GPX6: variants seen among roughly 807,000 people sequenced by gnomAD.
GPX6 encodes glutathione peroxidase 6, also known as glutathione peroxidase 6 (olfactory).
Under a neutral mutation model 20.0 loss-of-function variants are expected in GPX6, and 21 were observed. The ratio of observed to expected loss-of-function variants is 1.05; its 90% confidence interval spans 0.74 to 1.51. The LOEUF is 1.51. Ranked by LOEUF, GPX6 falls within the 40% of genes most tolerant of loss-of-function variation. The pLI is 0.00. For missense variants in GPX6, 233 were observed against 254.7 expected, an observed-to-expected ratio of 0.91 and a Z score of 0.58; for synonymous variants, 75 against 98.0, an observed-to-expected ratio of 0.77 and a Z score of 1.38.
intron 2 of GPX6, among the ~76,000 whole-genome samples, chr6:28,510,180 C>G (rs570380504): frequency 2.0e-4 from 31 of 152,312 alleles, no homozygotes; most frequent in East Asian, 3.9e-4. Context: ...AGACAAAGCA[C>G]GAACATTGTC....
rs965343573 is a variant in GPX6, at chr6:28,512,133, C to T, written c.88-1229G>A. On this transcript the variant is annotated intron_variant, in intron 1 of 4. Coordinates refer to ENST00000361902, the MANE Select transcript of GPX6 (RefSeq NM_182701.1). ...ACGAGCACCGCCCCCTGCTCCACGC[C>T]GCCCAGTCCCATCGGCCACCCAAGG... is the stretch of plus-strand genomic sequence containing the variant. Among the ~76,000 whole-genome samples, 8 of 152,234 alleles carry T rather than the reference C, an allele frequency of 5.3e-5. 1 individual carries two copies. The highest frequency in any genetic ancestry group is 3.9e-4 in the East Asian group (2 of 5,184).
intron 1 of GPX6, among the ~76,000 whole-genome samples, chr6:28,511,230 C>T (rs1202952229): frequency 2.0e-5 from 3 of 152,210 alleles, no homozygotes; most frequent in Non-Finnish European, 4.4e-5. Context: ...CAAGTCATGC[C>T]GTCCTCTCTC....
rs199864628 is a variant in GPX6, at chr6:28,510,741, G to A, written c.241+10C>T. The A allele has an allele frequency of 5.0e-6, 8 of 1,609,670 alleles. No individual in the cohort carries two copies. The highest frequency in any genetic ancestry group is 1.7e-5 in the Admixed American group (1 of 59,470). ...GCTGCTTCCAAAAGAGTTGAAACGT[G>A]AGTTCTTACCAGGATACTGAGCTGC... On this transcript the variant is annotated intron_variant, in intron 2 of 4. Coordinates refer to ENST00000361902, the MANE Select transcript of GPX6 (RefSeq NM_182701.1).
intron 2 of GPX6, among the ~76,000 whole-genome samples, chr6:28,507,163 A>G (rs1462228992): frequency 6.6e-6 from 1 of 152,220 alleles, no homozygotes. Flanking sequence ...TTAGACTTGA[A>G]TCATAATTTC....
At chr6:28,506,005 G>A (rs1762802866) in intron 3 of GPX6, among the ~76,000 whole-genome samples, 1 of 152,156 alleles carries the variant, frequency 6.6e-6, no homozygotes, top group Non-Finnish European at 1.5e-5. Flanking sequence ...TAAGAAAATT[G>A]GAAGGCAATA....
intron 1 of GPX6, among the ~76,000 whole-genome samples, chr6:28,514,755 T>C (rs1762994014): frequency 6.6e-6 from 1 of 152,206 alleles, no homozygotes. Flanking sequence ...TGGGAATCAC[T>C]GCATTATATG....
At chr6:28,509,008 C>A (rs1241716337) in intron 2 of GPX6, among the ~76,000 whole-genome samples, 1 of 152,110 alleles carries the variant, frequency 6.6e-6, no homozygotes, top group Non-Finnish European at 1.5e-5. Flanking sequence ...AATCATGTAG[C>A]ATCCTCTGAA....
intron 1 of GPX6, among the ~76,000 whole-genome samples, chr6:28,514,206 G>T (rs1251638380): frequency 6.6e-6 from 1 of 152,122 alleles, no homozygotes; most frequent in African/African-American, 2.4e-5. Flanking sequence ...TGCTACCTTA[G>T]CTCTGGGTGC....
At chr6:28,515,210 C>T (rs1763002615) in intron 1 of GPX6, among the ~76,000 whole-genome samples, 1 of 152,218 alleles carries the variant, frequency 6.6e-6, no homozygotes, top group Admixed American at 6.5e-5. Flanking sequence ...GATTCTCTCA[C>T]CTCTCCCTCT....
chr6:28,506,170 G>A, intron 3 of GPX6, 142 bp downstream of exon 3: 1 of 660,104 alleles, frequency 1.5e-6, no homozygotes. Context: ...AGAATAGATT[G>A]AATTCAAAAC....
chr6:28,507,594 T>C (rs1204625627), intron 2 of GPX6, among the ~76,000 whole-genome samples: 1 of 152,156 alleles, frequency 6.6e-6, no homozygotes, highest in African/African-American at 2.4e-5. Flanking sequence ...TTAGACAGAG[T>C]CTCTCTGTCA....
chr6:28,509,261 T>C (rs1283575499), intron 2 of GPX6, among the ~76,000 whole-genome samples: 1 of 151,902 alleles, frequency 6.6e-6, no homozygotes, highest in Non-Finnish European at 1.5e-5. Context: ...GGCTCATGCC[T>C]GTAATCCCAG....
intron 1 of GPX6, among the ~76,000 whole-genome samples, chr6:28,513,767 C>A (rs1762972219): frequency 6.6e-6 from 1 of 152,184 alleles, no homozygotes; most frequent in African/African-American, 2.4e-5. Context: ...AACTGGGCTT[C>A]ACAGGATCTC....
At chr6:28,504,749 C>T (rs1762792434) in intron 4 of GPX6, among the ~76,000 whole-genome samples, 1 of 152,018 alleles carries the variant, frequency 6.6e-6, no homozygotes. Context: ...CCCTGTCTTT[C>T]CTCTATTTCC....
intron 1 of GPX6, among the ~76,000 whole-genome samples, chr6:28,511,197 C>T (rs1054442195): frequency 2.6e-5 from 4 of 152,178 alleles, no homozygotes; most frequent in Non-Finnish European, 5.9e-5. Context: ...CTGCATTCTC[C>T]CCCGACATCC....
chr6:28,504,085 A>G lies in GPX6; in HGVS notation c.*207T>C. 1 of 566,610 alleles carries G rather than the reference A, an allele frequency of 1.8e-6. No individual in the cohort carries two copies. Among genetic ancestry groups the G allele is most frequent in the Non-Finnish European group, 3.1e-6 (1 of 322,120 alleles). The allele number at this position is 566,610 out of a possible 1,614,324, so 35.1% of individuals were successfully genotyped here. A position where few individuals can be genotyped will look rare whatever the true frequency, so the allele number is the denominator to read the frequency against. ...ACCTATGCATATACCAACAAATACA[A>G]TTCTACATATCCATACACACACACA... On this transcript the variant is annotated 3_prime_UTR_variant, in exon 5 of 5. Coordinates refer to ENST00000361902, the MANE Select transcript of GPX6 (RefSeq NM_182701.1).
chr6:28,512,230 G>T (rs1329972871), intron 1 of GPX6, among the ~76,000 whole-genome samples: 1 of 152,276 alleles, frequency 6.6e-6, no homozygotes, highest in Non-Finnish European at 1.5e-5. Flanking sequence ...GGCATCCACT[G>T]GCTGAAGCCA....
chr6:28,512,741 A>G lies in GPX6; in HGVS notation c.88-1837T>C, dbSNP rs140470989. On this transcript the variant is annotated intron_variant, in intron 1 of 4. Transcript: ENST00000361902. ...CCACACTGCCTTTACAAGCTGTAACACTCACCGTGAAGGTCTACAGCTTCA... is the reference window on the plus strand; with the variant it reads ...CCACACTGCCTTTACAAGCTGTAACGCTCACCGTGAAGGTCTACAGCTTCA... Among the ~76,000 whole-genome samples, 338 of 152,020 alleles carry G rather than the reference A, an allele frequency of 2.2e-3. 2 individuals are homozygous for G. Among genetic ancestry groups the G allele is most frequent in the Non-Finnish European group, 3.4e-3 (229 of 67,960 alleles).
In GPX6 at chr6:28,512,288, C is replaced by G. The variant is rs572322030; in HGVS notation, c.88-1384G>C. On this transcript the variant is annotated intron_variant, in intron 1 of 4. Coordinates refer to ENST00000361902, the MANE Select transcript of GPX6 (RefSeq NM_182701.1). ...GGACTGGGAGAACCTTTATGTCTAG[C>G]TAAGGGATTGTAAATACACCAATCG... 3.3e-5 allele frequency among the ~76,000 whole-genome samples: 5 copies of G among 152,326 alleles called. 1 individual carries two copies. In the South Asian group the frequency reaches 1.0e-3, roughly 32 times the overall value.
Sources: gnomAD v4.1 joint callset for allele counts (sites outside exome capture counted in the v4.1 genomes callset) on GRCh38, gnomAD v4.1.1 for gene constraint, MANE v1.5 for transcripts, NCBI Gene and HGNC (gene_info 2026-07-23, HGNC 2026-07-21) for gene names.